Variants in SERPINB9 observed in about 807,000 individuals in gnomAD.
The protein encoded by SERPINB9 is serpin B9.
A neutral mutation model predicts 27.2 loss-of-function variants in SERPINB9; 20 were observed. That is an observed-to-expected ratio of 0.74 (90% CI 0.52 to 1.07). SERPINB9 has a LOEUF of 1.07. SERPINB9 is among the 50% of genes least tolerant of loss of function. The probability of loss-of-function intolerance (pLI) is 0.00; values close to 1 mark genes in which losing one functional copy is unlikely to be tolerated. For synonymous variants in SERPINB9, 189 were observed against 180.0 expected (o/e 1.05, Z -0.40); for missense variants, 476 against 460.1 (o/e 1.03, Z -0.32).
intron 3 of SERPINB9, among the ~76,000 whole-genome samples, chr6:2,895,710 GA>G (rs1767973171): frequency 1.3e-5 from 2 of 151,860 alleles, no homozygotes; most frequent in Admixed American, 1.3e-4. Flanking sequence ...ATGAACTTGA[GA>G]ATTTTACCTT....
Position 2,890,410 on chromosome 6 carries a change from T to C in SERPINB9, c.884A>G (p.Gln295Arg), listed in dbSNP as rs768281381. The C allele has an allele frequency of 4.3e-6, 7 of 1,614,216 alleles. No homozygotes were observed. The highest frequency in any genetic ancestry group is 5.9e-6 in the Non-Finnish European group (7 of 1,180,044). ...RHLGIVDAFQQGKADLSAMSA... is the reference protein window; with the variant it reads ...RHLGIVDAFQRGKADLSAMSA... ...CATTGCCGACAAGTCAGCCTTGCCC[T>C]GTTGGAAGGCATCAACAATTCCCAA... The change falls in exon 7 of 7, where the codon CAG (glutamine) becomes CGG (arginine). Residue 295 changes from glutamine (Q) to arginine (R), a missense_variant. Coordinates refer to ENST00000380698, the MANE Select transcript of SERPINB9 (RefSeq NM_004155.6). This position sits in a 1 kb window ranked among gnomAD's most constrained non-coding sequence, Gnocchi z 6.2.
chr6:2,891,685 G>T lies in SERPINB9; in HGVS notation c.723+148C>A. On this transcript the variant is annotated intron_variant, in intron 6 of 6. Coordinates refer to ENST00000380698, the MANE Select transcript of SERPINB9 (RefSeq NM_004155.6). This position sits in a 1 kb window ranked among gnomAD's most constrained non-coding sequence, Gnocchi z 4.0. ...GACAATATTGGGAAAAGTCAGCCTT[G>T]AACAAAAGTTCGATCCCAACGCCAA... is the stretch of plus-strand genomic sequence containing the variant. 1.2e-6 allele frequency: 1 copy of T among 836,846 alleles called. No individual in the cohort carries two copies. Among genetic ancestry groups the T allele is most frequent in the Non-Finnish European group, 1.8e-6 (1 of 557,652 alleles). The allele number at this position is 836,846 out of a possible 1,614,324, so 51.8% of individuals were successfully genotyped here.
rs1581190919 is a variant in SERPINB9, at chr6:2,890,111, A to G, written c.*52T>C. 5.1e-6 allele frequency: 8 copies of G among 1,563,208 alleles called. No individual in the cohort carries two copies. The East Asian group carries it at 1.1e-4, about 22-fold the overall frequency. ...CCATCCTCTTGGAGCTGTAGTGGGG[A>G]TCTGGGGACACAGGAAGAGGGAAAT... On this transcript the variant is annotated 3_prime_UTR_variant, in exon 7 of 7. Coordinates refer to ENST00000380698, the MANE Select transcript of SERPINB9 (RefSeq NM_004155.6). The surrounding 1 kb of genome is among the most constrained non-coding windows in gnomAD (Gnocchi z 6.2).
chr6:2,892,912 T>C (rs1767858488), intron 5 of SERPINB9, among the ~76,000 whole-genome samples: 1 of 151,932 alleles, frequency 6.6e-6, no homozygotes, highest in African/African-American at 2.4e-5. Flanking sequence ...AAATACTGAA[T>C]TAATGATAAT....
Position 2,889,322 on chromosome 6 carries a change from C to G in SERPINB9, c.*841G>C, listed in dbSNP as rs1424654393. 6.6e-6 allele frequency: 1 copy of G among 152,264 alleles called. No homozygotes were observed. The highest frequency in any genetic ancestry group is 2.4e-5 in the African/African-American group (1 of 41,454). 9.4% of individuals were successfully genotyped at this position (152,264 alleles called of 1,614,324 possible). ...GACCAGGTGTCAAAGGAGGATGGCT[C>G]TGTCCCCTTTGTGTCCCCAGTGCCT... is the stretch of plus-strand genomic sequence containing the variant. On this transcript the variant is annotated 3_prime_UTR_variant, in exon 7 of 7. Coordinates refer to ENST00000380698, the MANE Select transcript of SERPINB9 (RefSeq NM_004155.6).
rs1767924393 is a variant in SERPINB9 at position 2,894,408 on chromosome 6, G to T, written c.425-855C>A. Among the ~76,000 whole-genome samples, 1 of 152,200 alleles carries T rather than the reference G, an allele frequency of 6.6e-6. No homozygotes were observed. The highest frequency in any genetic ancestry group is 1.5e-5 in the Non-Finnish European group (1 of 68,048). On this transcript the variant is annotated intron_variant, in intron 4 of 6. Coordinates refer to ENST00000380698, the MANE Select transcript of SERPINB9 (RefSeq NM_004155.6). This position sits in a 1 kb window ranked among gnomAD's most constrained non-coding sequence, Gnocchi z 4.7. Reference sequence around the variant, plus strand: ...CACTTTCTGAAATGTAGATGAATAAGGTTCAACCCCAAATGGAGGGTATTT... The same window carrying T: ...CACTTTCTGAAATGTAGATGAATAATGTTCAACCCCAAATGGAGGGTATTT...
In SERPINB9 at chr6:2,891,753, G is replaced by A. The variant is rs1013832164; in HGVS notation, c.723+80C>T. ...GTCTGCCGCATCGCCAACTCAGAAG[G>A]TGAATATGAGAGGTGGAAGTGGCAC... On this transcript the variant is annotated intron_variant, in intron 6 of 6. Coordinates refer to ENST00000380698, the MANE Select transcript of SERPINB9 (RefSeq NM_004155.6). The surrounding 1 kb of genome is among the most constrained non-coding windows in gnomAD (Gnocchi z 4.0). The A allele has an allele frequency of 2.0e-6, 3 of 1,472,014 alleles. No homozygotes were observed. Among genetic ancestry groups the A allele is most frequent in the East Asian group, 2.3e-5 (1 of 43,404 alleles). The allele number at this position is 1,472,014 out of a possible 1,614,324, so 91.2% of individuals were successfully genotyped here. A position where few individuals can be genotyped will look rare whatever the true frequency, so the allele number is the denominator to read the frequency against.
chr6:2,896,028 T>C lies in SERPINB9; in HGVS notation c.306+25A>G, dbSNP rs115381429. On this transcript the variant is annotated intron_variant, in intron 3 of 6. Coordinates refer to ENST00000380698, the MANE Select transcript of SERPINB9 (RefSeq NM_004155.6). Reference sequence around the variant, plus strand: ...TCACCAGGTATGTTGAATGCAACTTTTATTGTTCTATTGATTCAACTTACT... The same window carrying C: ...TCACCAGGTATGTTGAATGCAACTTCTATTGTTCTATTGATTCAACTTACT... The C allele has an allele frequency of 8.7e-4, 1,392 of 1,601,734 alleles. 8 individuals carry two copies. The African/African-American group carries it at 0.016, about 18-fold the overall frequency.
In SERPINB9 at chr6:2,890,293, C is replaced by A; in HGVS notation, c.1001G>T (p.Ser334Ile). 1.9e-6 allele frequency: 3 copies of A among 1,614,224 alleles called. No individual in the cohort carries two copies. The highest frequency in any genetic ancestry group is 2.5e-6 in the Non-Finnish European group (3 of 1,180,034). Residue 334 changes from serine (S) to isoleucine (I), a missense_variant, in exon 7 of 7, where the codon AGC becomes ATC. Coordinates refer to ENST00000380698, the MANE Select transcript of SERPINB9 (RefSeq NM_004155.6). This position sits in a 1 kb window ranked among gnomAD's most constrained non-coding sequence, Gnocchi z 6.2. ...EEGTEAAAAS[S>I]CFVVAECCME... ...GCAGCACTCTGCAACTACAAAGCAGCTCGACGCTGCCGCTGCCTCGGTGCC... is the reference window on the plus strand; with the variant it reads ...GCAGCACTCTGCAACTACAAAGCAGATCGACGCTGCCGCTGCCTCGGTGCC...
At position 2,895,377 on chromosome 6, in the gene SERPINB9, C is replaced by T. The variant is rs1027042626; in HGVS notation, c.424+14G>A. 4 of 1,574,768 alleles carry T rather than the reference C, an allele frequency of 2.5e-6. No individual in the cohort carries two copies. The highest frequency in any genetic ancestry group is 1.4e-5 in the African/African-American group (1 of 73,476). On this transcript the variant is annotated intron_variant, in intron 4 of 6. Transcript: ENST00000380698. Reference sequence around the variant, plus strand: ...ACGGGTTGGGAGGAAGGTGCAATAACTTGTCATTCTGACCTTCGGTCTTTT... The same window carrying T: ...ACGGGTTGGGAGGAAGGTGCAATAATTTGTCATTCTGACCTTCGGTCTTTT...
Position 2,888,872 on chromosome 6 carries a change from A to C in SERPINB9, c.*1291T>G, listed in dbSNP as rs1318333989. The C allele has an allele frequency of 2.0e-5, 3 of 151,790 alleles. No homozygotes were observed. The highest frequency in any genetic ancestry group is 2.9e-5 in the Non-Finnish European group (2 of 68,012). The allele number at this position is 151,790 out of a possible 1,614,324, so 9.4% of individuals were successfully genotyped here. ...AATAAAAAAATTCTTAAAAAAAAAA[A>C]CTCAGTGATATCCAACCATTAAAAA... is the stretch of plus-strand genomic sequence containing the variant. On this transcript the variant is annotated 3_prime_UTR_variant, in exon 7 of 7. Transcript: ENST00000380698.
In SERPINB9 at chr6:2,892,003, ATTG is replaced by A; in HGVS notation, c.568-18_568-16del. 1 of 1,578,882 alleles carries A rather than the reference ATTG, an allele frequency of 6.3e-7. No homozygotes were observed. The highest frequency in any genetic ancestry group is 8.6e-7 in the Non-Finnish European group (1 of 1,159,060). On this transcript the variant is annotated splice_polypyrimidine_tract_variant and intron_variant, in intron 5 of 6. Coordinates refer to ENST00000380698, the MANE Select transcript of SERPINB9 (RefSeq NM_004155.6). The stretch of plus-strand genomic sequence containing the variant: ...CTTTGCTCCTCCTGGGGGAAGGATT[ATTG>A]AAAGACGCAATTAAAACTTTCAAAA...
At position 2,891,734 on chromosome 6, in the gene SERPINB9, C is replaced by T. The variant is rs1581192795; in HGVS notation, c.723+99G>A. 1.4e-6 allele frequency: 2 copies of T among 1,385,480 alleles called. No individual in the cohort carries two copies. Among genetic ancestry groups the T allele is most frequent in the Non-Finnish European group, 1.9e-6 (2 of 1,031,244 alleles). The allele number at this position is 1,385,480 out of a possible 1,614,324, so 85.8% of individuals were successfully genotyped here. Reference sequence around the variant, plus strand: ...AAGTGCCTGCACAGTGTGCGTCTGCCGCATCGCCAACTCAGAAGGTGAATA... The same window carrying T: ...AAGTGCCTGCACAGTGTGCGTCTGCTGCATCGCCAACTCAGAAGGTGAATA... On this transcript the variant is annotated intron_variant, in intron 6 of 6. Transcript: ENST00000380698. This position sits in a 1 kb window ranked among gnomAD's most constrained non-coding sequence, Gnocchi z 4.0.
rs749420099 is a variant in SERPINB9 at position 2,895,464 on chromosome 6, C to G, written c.351G>C (p.Lys117Asn). The G allele has an allele frequency of 6.2e-7, 1 of 1,613,836 alleles. No homozygotes were observed. Among genetic ancestry groups the G allele is most frequent in the East Asian group, 2.2e-5 (1 of 44,874 alleles). Residue 117 changes from lysine to asparagine, a missense_variant, in exon 4 of 7, where the codon AAG (lysine) becomes AAC (asparagine). Lys to Asn is a moderately conservative substitution (Grantham distance 94, BLOSUM62 0). Transcript: ENST00000380698. ...CTGCAGCTCTGATAAAGGAAAGCTC[C>G]TTCAGCTCAGCATGGTAGAATTGAA... ...SCLQFYHAEL[K>N]ELSFIRAAEE...
rs1767654543 is a variant in SERPINB9, at chr6:2,888,018, T to C, written c.*2145A>G. The C allele has an allele frequency of 6.6e-6, 1 of 152,216 alleles. No individual in the cohort carries two copies. The highest frequency in any genetic ancestry group is 2.4e-5 in the African/African-American group (1 of 41,450). 9.4% of individuals were successfully genotyped at this position (152,216 alleles called of 1,614,324 possible). A position where few individuals can be genotyped will look rare whatever the true frequency, so the allele number is the denominator to read the frequency against. ...AACAAATGTCTTTCATCTCATTTTT[T>C]ACTCAGCATTATCTATCAAAGGGAC... On this transcript the variant is annotated 3_prime_UTR_variant, in exon 7 of 7. Transcript: ENST00000380698.
rs1356499134 is a variant in SERPINB9, at chr6:2,890,283, T to C, written c.1011A>G (p.Val337=). ...TEAAAASSCF[V]VAECCMESGP... ...CAGATTCCATGCAGCACTCTGCAACTACAAAGCAGCTCGACGCTGCCGCTG... is the reference window on the plus strand; with the variant it reads ...CAGATTCCATGCAGCACTCTGCAACCACAAAGCAGCTCGACGCTGCCGCTG... Residue 337 remains valine (V), a synonymous_variant, in exon 7 of 7, where the codon GTA becomes GTG. Coordinates refer to ENST00000380698, the MANE Select transcript of SERPINB9 (RefSeq NM_004155.6). The surrounding 1 kb of genome is among the most constrained non-coding windows in gnomAD (Gnocchi z 6.2). 2 of 1,614,112 alleles carry C rather than the reference T, an allele frequency of 1.2e-6. No homozygotes were observed. The highest frequency in any genetic ancestry group is 1.7e-6 in the Non-Finnish European group (2 of 1,180,052).
intron 2 of SERPINB9, chr6:2,899,784 A>G (rs1768131902): frequency 3.2e-6 from 1 of 316,934 alleles, no homozygotes; most frequent in Admixed American, 4.6e-5. Context: ...ACAAAGGACA[A>G]CTCCCATGAT....
intron 1 of SERPINB9, among the ~76,000 whole-genome samples, chr6:2,902,390 CA>C (rs1158627672): frequency 1.3e-5 from 2 of 152,344 alleles, no homozygotes; most frequent in East Asian, 3.9e-4. Flanking sequence ...CCTGGCTCTG[CA>C]GATTCTCAGG....
At chr6:2,901,559 T>A (rs1374941685) in intron 1 of SERPINB9, among the ~76,000 whole-genome samples, 1 of 152,170 alleles carries the variant, frequency 6.6e-6, no homozygotes, top group Non-Finnish European at 1.5e-5. Context: ...GTGAAGCCAC[T>A]GGAGACCAAA....
Sources: allele counts gnomAD v4.1 joint callset (sites outside exome capture counted in the v4.1 genomes callset), GRCh38; gene constraint gnomAD v4.1.1; non-coding constraint Gnocchi (gnomAD v3.1); transcripts MANE v1.5; gene names NCBI Gene and HGNC (gene_info 2026-07-23, HGNC 2026-07-21).